The following PCDHGB2 variants were observed in gnomAD, a reference collection of about 807,000 sequenced individuals.
PCDHGB2 encodes the protein protocadherin gamma subfamily B, 2, also known as protocadherin gamma-B2.
PCDHGB2 carries 55 observed loss-of-function variants against 59.3 expected under a neutral mutation model. The ratio of observed to expected loss-of-function variants is 0.93; its 90% CI spans 0.75 to 1.16. PCDHGB2 has a LOEUF of 1.16. Among genes scored for constraint, PCDHGB2 ranks in the 50% most tolerant of loss-of-function variants. The pLI, the probability that PCDHGB2 is intolerant of heterozygous loss-of-function variation, is 0.00. For missense variants in PCDHGB2, 1,228 were observed against 1,198.5 expected (o/e 1.02, Z -0.36); for synonymous variants, 516 against 512.0 (o/e 1.01, Z -0.11).
intron 1 of PCDHGB2, chr5:141,433,325 C>CA: frequency 2.8e-6 from 2 of 726,266 alleles, no homozygotes; most frequent in Non-Finnish European, 4.5e-6. Context: ...TCCGGTGTAA[C>CA]AGGGACTACA....
chr5:141,483,786 C>T (rs2099587125), intron 1 of PCDHGB2, among the ~76,000 whole-genome samples: 1 of 152,136 alleles, frequency 6.6e-6, no homozygotes, highest in African/African-American at 2.4e-5. Context: ...AGGATAAGAA[C>T]TCCAGTTGTT....
At chr5:141,468,063 A>G (rs2099157033) in intron 1 of PCDHGB2, among the ~76,000 whole-genome samples, 1 of 152,064 alleles carries the variant, frequency 6.6e-6, no homozygotes, top group South Asian at 2.1e-4. Flanking sequence ...AGTGGCTCAC[A>G]CCTGTAATCC....
In PCDHGB2 at chr5:141,485,792, G is replaced by A. The variant is rs114766079; in HGVS notation, c.2422-9015G>A. The A allele has an allele frequency of 6.2e-7, 1 of 1,614,236 alleles. No homozygotes were observed. Among genetic ancestry groups the A allele is most frequent in the East Asian group, 2.2e-5 (1 of 44,880 alleles). ...GCCTTTGGATCGAGAGAAGCAATCG[G>A]ACTACCGCCTGGTGCTGACTGCTGT... On this transcript the variant is annotated intron_variant, in intron 1 of 3. Coordinates refer to ENST00000522605, the MANE Select transcript of PCDHGB2 (RefSeq NM_018923.3). This position sits in a 1 kb window ranked among gnomAD's most constrained non-coding sequence, Gnocchi z 5.7.
intron 1 of PCDHGB2, chr5:141,409,635 AC>A: frequency 6.2e-7 from 1 of 1,613,784 alleles, no homozygotes; most frequent in Non-Finnish European, 8.5e-7. Context: ...AGCGCCTCTG[AC>A]CCGGATTTGG....
intron 1 of PCDHGB2, chr5:141,385,518 A>T (rs1194402340): frequency 9.5e-6 from 13 of 1,366,176 alleles, no homozygotes; most frequent in Non-Finnish European, 1.2e-5. Flanking sequence ...GTGAAAGCCT[A>T]TGGACAAGAT....
Position 141,372,039 on chromosome 5 carries a change from C to A in PCDHGB2, c.2421+9483C>A, listed in dbSNP as rs757866605. 4.3e-6 allele frequency: 7 copies of A among 1,613,350 alleles called. No homozygotes were observed. Among genetic ancestry groups the A allele is most frequent in the Admixed American group, 1.7e-5 (1 of 59,996 alleles). ...TACGCTCAGCGCCAACGTGAGCCTG[C>A]GCGTGTTGGTGGACGACCGCAACGA... On this transcript the variant is annotated intron_variant, in intron 1 of 3. Coordinates refer to ENST00000522605, the MANE Select transcript of PCDHGB2 (RefSeq NM_018923.3).
At chr5:141,365,706 C>T (rs779448749) in intron 1 of PCDHGB2, 1 of 1,613,698 alleles carries the variant, frequency 6.2e-7, no homozygotes, top group African/African-American at 1.3e-5. Flanking sequence ...TCCTACTCCA[C>T]CTCTGTCACA....
chr5:141,510,359 T>A (rs1229932307), intron 3 of PCDHGB2, among the ~76,000 whole-genome samples: 3 of 143,318 alleles, frequency 2.1e-5, no homozygotes, highest in African/African-American at 7.7e-5. Flanking sequence ...CTAACGGAAC[T>A]ACCGAATCTC....
intron 1 of PCDHGB2, among the ~76,000 whole-genome samples, chr5:141,437,052 T>A (rs986734485): frequency 6.6e-5 from 10 of 152,258 alleles, no homozygotes; most frequent in Non-Finnish European, 1.3e-4. Flanking sequence ...AGAAGGCTGG[T>A]GATCATTATT....
intron 1 of PCDHGB2, chr5:141,413,712 T>A (rs1405825615): frequency 9.9e-6 from 16 of 1,613,454 alleles, no homozygotes; most frequent in Middle Eastern, 3.3e-4. Context: ...TCAGCCCCAA[T>A]AAGCACTTCT....
chr5:141,419,243 C>T (rs959206942), intron 1 of PCDHGB2: 2 of 1,613,998 alleles, frequency 1.2e-6, no homozygotes, highest in East Asian at 4.5e-5. Flanking sequence ...GGTCCACGTG[C>T]CAGAAAACAA....
At chr5:141,418,974 G>A in intron 1 of PCDHGB2, 2 of 1,613,936 alleles carry the variant, frequency 1.2e-6, no homozygotes, top group Non-Finnish European at 1.7e-6. Context: ...TTCAAAACAC[G>A]GGACCAAGAC....
Position 141,393,456 on chromosome 5 carries a change from T to A in PCDHGB2, c.2421+30900T>A. ...TGCTCACCACCTGGTCCTCACGGCC[T>A]CGGATGGCGGCAAGCCGCCTCGCTC... On this transcript the variant is annotated intron_variant, in intron 1 of 3. Coordinates refer to ENST00000522605, the MANE Select transcript of PCDHGB2 (RefSeq NM_018923.3). 1 of 1,614,026 alleles carries A rather than the reference T, an allele frequency of 6.2e-7. No individual in the cohort carries two copies. Among genetic ancestry groups the A allele is most frequent in the African/African-American group, 1.3e-5 (1 of 75,058 alleles).
At chr5:141,391,264 G>A (rs1427432631) in intron 1 of PCDHGB2, 1 of 151,768 alleles carries the variant, frequency 6.6e-6, no homozygotes, top group Non-Finnish European at 1.5e-5. Context: ...TCAGTTAATG[G>A]CCACTTTACA....
chr5:141,487,041 G>T lies in PCDHGB2; in HGVS notation c.2422-7766G>T, dbSNP rs149314216. Reference sequence around the variant, plus strand: ...GATCCCAGCCTGTTTGCAGTCTCTCGATATGCTGGGGAGGTGCGGACGGCT... The same window carrying T: ...GATCCCAGCCTGTTTGCAGTCTCTCTATATGCTGGGGAGGTGCGGACGGCT... On this transcript the variant is annotated intron_variant, in intron 1 of 3. Transcript: ENST00000522605. This position sits in a 1 kb window ranked among gnomAD's most constrained non-coding sequence, Gnocchi z 5.0. 6.2e-7 allele frequency: 1 copy of T among 1,614,132 alleles called. No homozygotes were observed. The highest frequency in any genetic ancestry group is 8.5e-7 in the Non-Finnish European group (1 of 1,180,030).
At chr5:141,382,129 C>T (rs1174612163) in intron 1 of PCDHGB2, among the ~76,000 whole-genome samples, 2 of 152,012 alleles carry the variant, frequency 1.3e-5, no homozygotes, top group African/African-American at 2.4e-5. Flanking sequence ...CACCTGGCCC[C>T]CCCTCTCATT....
chr5:141,467,625 T>C (rs1407031447), intron 1 of PCDHGB2, among the ~76,000 whole-genome samples: 1 of 152,202 alleles, frequency 6.6e-6, no homozygotes, highest in African/African-American at 2.4e-5. Flanking sequence ...TGATTTGAGA[T>C]AGCATCTTTA....
At chr5:141,426,898 C>T (rs1246109323) in intron 1 of PCDHGB2, 1 of 456,634 alleles carries the variant, frequency 2.2e-6, no homozygotes, top group African/African-American at 2.0e-5. Flanking sequence ...CAACAGAGCT[C>T]TCATCTCCTG....
intron 1 of PCDHGB2, chr5:141,390,425 G>A (rs908766072): frequency 9.6e-7 from 1 of 1,042,070 alleles, no homozygotes. Flanking sequence ...TTAAAAAGCT[G>A]TCATATCATT....
Sources: gnomAD v4.1 joint callset for allele counts (sites outside exome capture counted in the v4.1 genomes callset) on GRCh38, gnomAD v4.1.1 for gene constraint, Gnocchi (gnomAD v3.1) non-coding constraint, MANE v1.5 for transcripts, NCBI Gene and HGNC (gene_info 2026-07-23, HGNC 2026-07-21) for gene names.